The following TIGD1 variants were observed in gnomAD, a reference collection of about 807,000 sequenced individuals.
The protein encoded by TIGD1 is tigger transposable element derived 1.
Under a neutral mutation model 21.3 loss-of-function variants are expected in TIGD1, and 20 were observed. That is an observed-to-expected ratio of 0.94 (90% confidence interval 0.66 to 1.36). TIGD1 has a LOEUF of 1.36. Ranked by LOEUF, TIGD1 falls within the 40% of genes most tolerant of loss-of-function variation. TIGD1 has a pLI of 0.00. For missense variants in TIGD1, 556 were observed against 350.5 expected, an observed-to-expected ratio of 1.59 and a Z score of -4.68; for synonymous variants, 177 against 123.2, an observed-to-expected ratio of 1.44 and a Z score of -2.89.
In TIGD1 at chr2:232,544,753, T is replaced by C. The variant is rs745632045; in HGVS notation, c.*3354A>G. The C allele has an allele frequency of 6.2e-7, 1 of 1,613,680 alleles. No individual in the cohort carries two copies. Among genetic ancestry groups the C allele is most frequent in the South Asian group, 1.1e-5 (1 of 91,066 alleles). ...TCTCCTCCATTCTACTCCCAAACCT[T>C]ACCCTTTCTCTTTATCAGAGAAAGG... On this transcript the variant is annotated 3_prime_UTR_variant, in exon 1 of 1. Coordinates refer to ENST00000408957, the MANE Select transcript of TIGD1 (RefSeq NM_145702.4).
In TIGD1 at chr2:232,545,657, C is replaced by T. The variant is rs369539666; in HGVS notation, c.*2450G>A. 23 of 1,614,080 alleles carry T rather than the reference C, an allele frequency of 1.4e-5. No individual in the cohort carries two copies. Among genetic ancestry groups the T allele is most frequent in the East Asian group, 2.2e-5 (1 of 44,890 alleles). ...CATCTTCCTCATGGCCCACTACAAC[C>T]GGGTGCCGGCCCTGCCATTCCCTGG... On this transcript the variant is annotated 3_prime_UTR_variant, in exon 1 of 1. Coordinates refer to ENST00000408957, the MANE Select transcript of TIGD1 (RefSeq NM_145702.4).
chr2:232,550,466 G>T lies in TIGD1; in HGVS notation c.-584C>A. The stretch of plus-strand genomic sequence containing the variant: ...CCGCTGCGGGAGGGGGCCAGGACAC[G>T]CTCCCTTAGGAGAGCGGGCGGGTCA... On this transcript the variant is annotated 5_prime_UTR_variant, in exon 1 of 1. Coordinates refer to ENST00000408957, the MANE Select transcript of TIGD1 (RefSeq NM_145702.4). The T allele has an allele frequency of 1.9e-6, 1 of 523,466 alleles. No homozygotes were observed. The highest frequency in any genetic ancestry group is 2.9e-5 in the South Asian group (1 of 33,936). The allele number at this position is 523,466 out of a possible 1,614,324, so 32.4% of individuals were successfully genotyped here. A position where few individuals can be genotyped will look rare whatever the true frequency, so the allele number is the denominator to read the frequency against.
In TIGD1 at chr2:232,546,888, T is replaced by C. The variant is rs1320166088; in HGVS notation, c.*1219A>G. 6.6e-6 allele frequency among the ~76,000 whole-genome samples: 1 copy of C among 152,068 alleles called. No individual in the cohort carries two copies. Among genetic ancestry groups the C allele is most frequent in the African/African-American group, 2.4e-5 (1 of 41,404 alleles). On this transcript the variant is annotated 3_prime_UTR_variant, in exon 1 of 1. Coordinates refer to ENST00000408957, the MANE Select transcript of TIGD1 (RefSeq NM_145702.4). ...AGCTAGGCAAGAGGAGGTGTGGAGTTAACAGAGAGCCACTGAGCTCTTCAT... is the reference window on the plus strand; with the variant it reads ...AGCTAGGCAAGAGGAGGTGTGGAGTCAACAGAGAGCCACTGAGCTCTTCAT...
chr2:232,548,849 T>C lies in TIGD1; in HGVS notation c.1034A>G (p.Tyr345Cys). The C allele has an allele frequency of 1.6e-6, 1 of 611,162 alleles. No homozygotes were observed. The highest frequency in any genetic ancestry group is 3.0e-6 in the Non-Finnish European group (1 of 333,366). 37.9% of individuals were successfully genotyped at this position (611,162 alleles called of 1,614,324 possible). A position where few individuals can be genotyped will look rare whatever the true frequency, so the allele number is the denominator to read the frequency against. The change falls in exon 1 of 1, where the codon TAT becomes TGT. Residue 345 changes from tyrosine (Y) to cysteine (C), a missense_variant. Coordinates refer to ENST00000408957, the MANE Select transcript of TIGD1 (RefSeq NM_145702.4). ...DQGVISTFKSYYLRNTFHKAL... is the reference protein window; with the variant it reads ...DQGVISTFKSCYLRNTFHKAL... ...CTTATGAAATGTATTTCTCAAATAA[T>C]AAGACTTGAAGGTCGAAATTACCCC...
chr2:232,549,373 A>G lies in TIGD1; in HGVS notation c.510T>C (p.Ala170=). 1.6e-6 allele frequency: 1 copy of G among 640,940 alleles called. No individual in the cohort carries two copies. Among genetic ancestry groups the G allele is most frequent in the Middle Eastern group, 4.2e-4 (1 of 2,392 alleles). The allele number at this position is 640,940 out of a possible 1,614,324, so 39.7% of individuals were successfully genotyped here. A position where few individuals can be genotyped will look rare whatever the true frequency, so the allele number is the denominator to read the frequency against. The change falls in exon 1 of 1, where the codon GCT becomes GCC. Residue 170 remains alanine (A), a synonymous_variant. Transcript: ENST00000408957. The part of the protein sequence containing the change: ...EAAASYPEAL[A]KIIDEGGYTK... ...TGTAGCCACCTTCGTCAATGATCTT[A>G]GCTAAAGCTTCTGGATAACTTGCTG...
chr2:232,545,783 G>T lies in TIGD1; in HGVS notation c.*2324C>A. 6.4e-7 allele frequency: 1 copy of T among 1,551,832 alleles called. No individual in the cohort carries two copies. The stretch of plus-strand genomic sequence containing the variant: ...GGTCACACTGAGTCTTATCAGCCAC[G>T]TTCTCCTACTGAGGTCCTAAGTGTG... On this transcript the variant is annotated 3_prime_UTR_variant, in exon 1 of 1. Coordinates refer to ENST00000408957, the MANE Select transcript of TIGD1 (RefSeq NM_145702.4).
chr2:232,549,360 C>T lies in TIGD1; in HGVS notation c.523G>A (p.Glu175Lys), dbSNP rs1056081958. The change falls in exon 1 of 1, where the codon GAA (glutamate) becomes AAA (lysine). Residue 175 changes from glutamate to lysine, a missense_variant. Transcript: ENST00000408957. ...ATCTGTTGTTTAGTGTAGCCACCTT[C>T]GTCAATGATCTTAGCTAAAGCTTCT... ...YPEALAKIIDEGGYTKQQIFN... is the reference protein window; with the variant it reads ...YPEALAKIIDKGGYTKQQIFN... The T allele has an allele frequency of 4.5e-5, 29 of 643,700 alleles. No homozygotes were observed. Among genetic ancestry groups the T allele is most frequent in the South Asian group, 1.6e-4 (9 of 55,450 alleles). The allele number at this position is 643,700 out of a possible 1,614,324, so 39.9% of individuals were successfully genotyped here. A position where few individuals can be genotyped will look rare whatever the true frequency, so the allele number is the denominator to read the frequency against.
In TIGD1 at chr2:232,545,814, T is replaced by G; in HGVS notation, c.*2293A>C. ...CTACTGAGGTCCTAAGTGTGCTCTT[T>G]GGGAAGTGCCCTTCAGGACTGTGTG... On this transcript the variant is annotated 3_prime_UTR_variant, in exon 1 of 1. Coordinates refer to ENST00000408957, the MANE Select transcript of TIGD1 (RefSeq NM_145702.4). 7.3e-7 allele frequency: 1 copy of G among 1,365,644 alleles called. No individual in the cohort carries two copies. Among genetic ancestry groups the G allele is most frequent in the Non-Finnish European group, 1.0e-6 (1 of 963,394 alleles). 84.6% of individuals were successfully genotyped at this position (1,365,644 alleles called of 1,614,324 possible).
In TIGD1 at chr2:232,548,682, C is replaced by T. The variant is rs1692184085; in HGVS notation, c.1201G>A (p.Gly401Arg). 1 of 485,582 alleles carries T rather than the reference C, an allele frequency of 2.1e-6. No homozygotes were observed. 30.1% of individuals were successfully genotyped at this position (485,582 alleles called of 1,614,324 possible). ...WEEVKLSTLT[G>R]VWKKLIPTLI... is the part of the protein sequence containing the mutation. The stretch of plus-strand genomic sequence containing the variant: ...GTGGGAATCAACTTCTTCCAAACTC[C>T]TGTTAATGTTGACAATTTGACCTCC... Residue 401 changes from glycine to arginine, a missense_variant, in exon 1 of 1, where the codon GGA becomes AGA. By Grantham distance (125) the Gly-to-Arg change is moderately radical. Coordinates refer to ENST00000408957, the MANE Select transcript of TIGD1 (RefSeq NM_145702.4).
rs1338639636 is a variant in TIGD1 at position 232,544,324 on chromosome 2, T to C, written c.*3783A>G. The stretch of plus-strand genomic sequence containing the variant: ...TCACGCCAACCTCTGGCTTCTGCTC[T>C]GAAGCTCGGCCTGCTGCCCTAGTGA... On this transcript the variant is annotated 3_prime_UTR_variant, in exon 1 of 1. Coordinates refer to ENST00000408957, the MANE Select transcript of TIGD1 (RefSeq NM_145702.4). 1.4e-5 allele frequency: 21 copies of C among 1,487,586 alleles called. No homozygotes were observed. Among genetic ancestry groups the C allele is most frequent in the Non-Finnish European group, 1.9e-5 (20 of 1,067,540 alleles). The allele number at this position is 1,487,586 out of a possible 1,614,324, so 92.1% of individuals were successfully genotyped here.
chr2:232,548,243 G>A lies in TIGD1; in HGVS notation c.1640C>T (p.Pro547Leu), dbSNP rs374434407. 6.4e-5 allele frequency: 99 copies of A among 1,543,528 alleles called. No individual in the cohort carries two copies. Among genetic ancestry groups the A allele is most frequent in the East Asian group, 3.7e-4 (15 of 40,840 alleles). Residue 547 changes from proline (P) to leucine (L), a missense_variant, in exon 1 of 1, where the codon CCG becomes CTG. Coordinates refer to ENST00000408957, the MANE Select transcript of TIGD1 (RefSeq NM_145702.4). Reference protein sequence around the residue: ...RKSQLMRKASPMSYFRKLPQP... With the variant: ...RKSQLMRKASLMSYFRKLPQP... ...TGGCAATTTCCTAAAATAAGACATC[G>A]GTGAAGCTTTTCGCATGAGTTGACT... is the stretch of plus-strand genomic sequence containing the variant.
Position 232,548,229 on chromosome 2 carries a change from T to TA in TIGD1, c.1653dup (p.Arg552Ter). 16 of 1,543,412 alleles carry TA rather than the reference T, an allele frequency of 1.0e-5. No individual in the cohort carries two copies. The highest frequency in any genetic ancestry group is 1.3e-5 in the Non-Finnish European group (15 of 1,146,468). On this transcript the variant is annotated frameshift_variant, in exon 1 of 1. Transcript: ENST00000408957. LOFTEE classifies it high-confidence loss of function. ...GGTTGGGGTGGCTGTGGCAATTTCC[T>TA]AAAATAAGACATCGGTGAAGCTTTT...
Position 232,548,847 on chromosome 2 carries a change from A to G in TIGD1, c.1036T>C (p.Tyr346His). 1 of 608,672 alleles carries G rather than the reference A, an allele frequency of 1.6e-6. No individual in the cohort carries two copies. Among genetic ancestry groups the G allele is most frequent in the Non-Finnish European group, 3.0e-6 (1 of 331,722 alleles). The allele number at this position is 608,672 out of a possible 1,614,324, so 37.7% of individuals were successfully genotyped here. The change falls in exon 1 of 1, where the codon TAT (tyrosine) becomes CAT (histidine). Residue 346 changes from tyrosine to histidine, a missense_variant. Transcript: ENST00000408957. ...QGVISTFKSYYLRNTFHKALA... is the reference protein window; with the variant it reads ...QGVISTFKSYHLRNTFHKALA... ...GCCTTATGAAATGTATTTCTCAAAT[A>G]ATAAGACTTGAAGGTCGAAATTACC...
rs1692098692 is a variant in TIGD1 at position 232,545,046 on chromosome 2, C to T, written c.*3061G>A. On this transcript the variant is annotated 3_prime_UTR_variant, in exon 1 of 1. Transcript: ENST00000408957. ...GTGCAGTGGGTCACACCTGTAATCC[C>T]AGTACTTTGGGAGGCCGAGGCGAGT... 7 of 1,075,964 alleles carry T rather than the reference C, an allele frequency of 6.5e-6. No individual in the cohort carries two copies. The highest frequency in any genetic ancestry group is 3.0e-4 in the Middle Eastern group (1 of 3,368). The allele number at this position is 1,075,964 out of a possible 1,614,324, so 66.7% of individuals were successfully genotyped here.
At position 232,545,357 on chromosome 2, in the gene TIGD1, A is replaced by G. The variant is rs1692106076; in HGVS notation, c.*2750T>C. ...AGGAAAGAAAGAAAGAAAAAGGAAC[A>G]GGGGCAGGGGGGGCACCTCAGGGCC... On this transcript the variant is annotated 3_prime_UTR_variant, in exon 1 of 1. Transcript: ENST00000408957. Among the ~76,000 whole-genome samples, 1 of 138,452 alleles carries G rather than the reference A, an allele frequency of 7.2e-6. No homozygotes were observed. 90.8% of individuals were successfully genotyped at this position (138,452 alleles called of 152,430 possible).
rs11692919 is a variant in TIGD1, at chr2:232,549,205, A to G, written c.678T>C (p.Asn226=). Residue 226 remains asparagine (N), a synonymous_variant, in exon 1 of 1, where the codon AAT becomes AAC. Coordinates refer to ENST00000408957, the MANE Select transcript of TIGD1 (RefSeq NM_145702.4). ...KDRLTLLLGA[N]AAGDFKLKPM... is the part of the protein sequence containing the mutation. ...GCTTCAACTTAAAGTCACCAGCTGC[A>G]TTAGCCCCTAACAAGAGAGTCAGCC... 18,815 of 694,604 alleles carry G rather than the reference A, an allele frequency of 0.027. 538 individuals are homozygous for G. Among genetic ancestry groups the G allele is most frequent in the East Asian group, 0.11 (4,139 of 36,904 alleles). The allele number at this position is 694,604 out of a possible 1,614,324, so 43.0% of individuals were successfully genotyped here. A position where few individuals can be genotyped will look rare whatever the true frequency, so the allele number is the denominator to read the frequency against.
chr2:232,544,578 TAGGTGAGACACACC>T lies in TIGD1; in HGVS notation c.*3515_*3528del. The T allele has an allele frequency of 1.2e-6, 2 of 1,611,998 alleles. No homozygotes were observed. Among genetic ancestry groups the T allele is most frequent in the Non-Finnish European group, 1.7e-6 (2 of 1,178,938 alleles). ...CTGGTGGCGGCAGCGCTGGAGAAGCTAGGTGAGACACACCAGGTGTGCCTGGGGACAGTCCTCCC... is the reference window on the plus strand; with the variant it reads ...CTGGTGGCGGCAGCGCTGGAGAAGCTAGGTGTGCCTGGGGACAGTCCTCCC... On this transcript the variant is annotated 3_prime_UTR_variant, in exon 1 of 1. Coordinates refer to ENST00000408957, the MANE Select transcript of TIGD1 (RefSeq NM_145702.4).
At position 232,549,453 on chromosome 2, in the gene TIGD1, G is replaced by T; in HGVS notation, c.430C>A (p.His144Asn). The change falls in exon 1 of 1, where the codon CAT becomes AAT. Residue 144 changes from histidine (H) to asparagine (N), a missense_variant. Transcript: ENST00000408957. ...GWFMRFKERSHFHNIKAQGEA... is the reference protein window; with the variant it reads ...GWFMRFKERSNFHNIKAQGEA... Reference sequence around the variant, plus strand: ...CCTTGTGCTTTTATGTTATGGAAATGGCTTCTTTCCTTAAACCTCATGAAC... The same window carrying T: ...CCTTGTGCTTTTATGTTATGGAAATTGCTTCTTTCCTTAAACCTCATGAAC... 1 of 664,268 alleles carries T rather than the reference G, an allele frequency of 1.5e-6. No individual in the cohort carries two copies. The highest frequency in any genetic ancestry group is 1.7e-5 in the South Asian group (1 of 57,404). 41.1% of individuals were successfully genotyped at this position (664,268 alleles called of 1,614,324 possible). A position where few individuals can be genotyped will look rare whatever the true frequency, so the allele number is the denominator to read the frequency against.
chr2:232,548,155 T>G lies in TIGD1; in HGVS notation c.1728A>C (p.Gln576His). 2.3e-6 allele frequency: 3 copies of G among 1,293,946 alleles called. No homozygotes were observed. Among genetic ancestry groups the G allele is most frequent in the Non-Finnish European group, 3.2e-6 (3 of 947,736 alleles). 80.2% of individuals were successfully genotyped at this position (1,293,946 alleles called of 1,614,324 possible). ...LTSQQPSTSR[Q>H]DPPPAKRVRL... is the part of the protein sequence containing the mutation. The stretch of plus-strand genomic sequence containing the variant: ...GTACTCTTTTTGCTGGTGGAGGGTC[T>G]TGCCTCGAGGTTGATGGTTGCTGAC... Residue 576 changes from glutamine to histidine, a missense_variant, in exon 1 of 1, where the codon CAA becomes CAC. Physicochemically the swap from Gln to His is conservative, Grantham distance 24. Coordinates refer to ENST00000408957, the MANE Select transcript of TIGD1 (RefSeq NM_145702.4).
Sources: allele counts gnomAD v4.1 joint callset (sites outside exome capture counted in the v4.1 genomes callset), GRCh38; gene constraint gnomAD v4.1.1; transcripts MANE v1.5; gene names NCBI Gene and HGNC (gene_info 2026-07-23, HGNC 2026-07-21).